The following SYNE2 variants were observed in gnomAD, a reference collection of about 807,000 sequenced individuals.
SYNE2 encodes the protein nesprin-2.
Under a neutral mutation model 856.3 loss-of-function variants are expected in SYNE2, and 431 were observed. That is an observed-to-expected ratio of 0.50 (90% CI 0.47 to 0.55). The LOEUF (loss-of-function observed/expected upper bound fraction) is 0.55, where lower values mean the gene tolerates loss of function less well. Ranked by LOEUF, SYNE2 falls within the 20% of genes least tolerant of loss-of-function variation. The probability of loss-of-function intolerance (pLI) is 0.00; values close to 1 mark genes in which losing one functional copy is unlikely to be tolerated. For synonymous variants in SYNE2, 2,923 were observed against 2,872.3 expected (o/e 1.02, Z -0.56); for missense variants, 8,129 against 8,023.2 (o/e 1.01, Z -0.50).
upstream of SYNE2, among the ~76,000 whole-genome samples, chr14:63,851,765 A>G (rs1228070941): frequency 6.6e-6 from 1 of 151,870 alleles, no homozygotes; most frequent in Non-Finnish European, 1.5e-5. Flanking sequence ...GTAGCCACAG[A>G]CATATATATG....
Position 64,215,354 on chromosome 14 carries a change from G to C in SYNE2, c.19402G>C (p.Gly6468Arg). 6.2e-7 allele frequency: 1 copy of C among 1,614,010 alleles called. No homozygotes were observed. Among genetic ancestry groups the C allele is most frequent in the Admixed American group, 1.7e-5 (1 of 60,016 alleles). ...MTTKTLKASS[G>R]KSISDGHSWH... ...CACAAAAACTTTGAAAGCGTCTTCT[G>C]GTAGGCCCCCGCCCATGCATGTGTC... Residue 6468 changes from glycine (G) to arginine (R), a missense_variant and splice_region_variant, in exon 107 of 116, where the codon GGT (glycine) becomes CGT (arginine). Physicochemically the swap from Gly to Arg is moderately radical, Grantham distance 125. Coordinates refer to ENST00000555002, the MANE Select transcript of SYNE2 (RefSeq NM_182914.3).
chr14:63,912,750 T>A (rs75855318), intron 2 of SYNE2, among the ~76,000 whole-genome samples: 1,539 of 152,318 alleles, frequency 0.01, 30 homozygotes, highest in African/African-American at 0.035. Flanking sequence ...TGCTTCATCA[T>A]TAATATGCTA....
chr14:64,181,010 C>T (rs1249102300), intron 96 of SYNE2, among the ~76,000 whole-genome samples: 1 of 151,974 alleles, frequency 6.6e-6, no homozygotes, highest in African/African-American at 2.4e-5. Context: ...TCCAATAATT[C>T]GTTTATGTAT....
intron 1 of SYNE2, among the ~76,000 whole-genome samples, chr14:63,863,414 T>C (rs527478400): frequency 1.4e-4 from 22 of 152,358 alleles, no homozygotes; most frequent in Non-Finnish European, 2.8e-4. Context: ...GCTGATTGTA[T>C]CACTTATGAC....
At position 64,202,802 on chromosome 14, in the gene SYNE2, G is replaced by A. The variant is rs780952336; in HGVS notation, c.18040G>A (p.Val6014Met). The stretch of plus-strand genomic sequence containing the variant: ...TTGTTTTTCTGCAAATATGTGTAGG[G>A]TGAAGAAGCTGAAGGAGACCTTTGC... ...QHLFDVIGSR[V>M]KKLKETFAFI... Residue 6014 changes from valine to methionine, a missense_variant and splice_region_variant, in exon 100 of 116, where the codon GTG (valine) becomes ATG (methionine). Val to Met is a conservative substitution (Grantham distance 21). Around this residue, in one of 3 missense-constraint regions of SYNE2, gnomAD observed 5,410 missense variants for 5,284.8 expected, o/e 1.02. Transcript: ENST00000555002. 6.2e-7 allele frequency: 1 copy of A among 1,614,132 alleles called. No individual in the cohort carries two copies. Among genetic ancestry groups the A allele is most frequent in the South Asian group, 1.1e-5 (1 of 91,078 alleles).
chr14:64,202,616 A>G lies in SYNE2; in HGVS notation c.18039-185A>G, dbSNP rs77351868. Reference sequence around the variant, plus strand: ...AGGCAACAGCCTTGCAAAGCTTCACATATTCTCTGAGAACTCGTATCTGGT... The same window carrying G: ...AGGCAACAGCCTTGCAAAGCTTCACGTATTCTCTGAGAACTCGTATCTGGT... On this transcript the variant is annotated intron_variant, in intron 99 of 115. Coordinates refer to ENST00000555002, the MANE Select transcript of SYNE2 (RefSeq NM_182914.3). Among the ~76,000 whole-genome samples, 1,281 of 152,274 alleles carry G rather than the reference A, an allele frequency of 8.4e-3. 14 individuals carry two copies. The highest frequency in any genetic ancestry group is 0.03 in the African/African-American group (1,234 of 41,562).
chr14:64,130,385 A>C (rs2098003505), intron 76 of SYNE2, 137 bp downstream of exon 76: 3 of 828,048 alleles, frequency 3.6e-6, no homozygotes, highest in Non-Finnish European at 3.9e-6. Flanking sequence ...CATCTATTAG[A>C]ATGCTTAATG....
At position 64,100,532 on chromosome 14, in the gene SYNE2, ATATAT is replaced by A. The variant is rs1407596123; in HGVS notation, c.12382-1399_12382-1395del. Among the ~76,000 whole-genome samples the A allele has an allele frequency of 3.2e-3, 138 of 43,160 alleles. 2 individuals carry two copies. Among genetic ancestry groups the A allele is most frequent in the East Asian group, 0.01 (10 of 986 alleles). 28.3% of individuals were successfully genotyped at this position (43,160 alleles called of 152,430 possible). On this transcript the variant is annotated intron_variant, in intron 63 of 115. Coordinates refer to ENST00000555002, the MANE Select transcript of SYNE2 (RefSeq NM_182914.3). Reference sequence around the variant, plus strand: ...ACTGTCTCAAAAAAAAAAAAAAAAAATATATATATATATATATATATATATATATA... The same window carrying A: ...ACTGTCTCAAAAAAAAAAAAAAAAAAATATATATATATATATATATATATA...
Position 64,052,784 on chromosome 14 carries a change from G to C in SYNE2, c.8871G>C (p.Glu2957Asp), listed in dbSNP as rs1057238746. ...ATGAAAAAACATCAGCGCTTCAGGAGGAGGCTGACAGTATACAGCGCAATG... is the reference window on the plus strand; with the variant it reads ...ATGAAAAAACATCAGCGCTTCAGGACGAGGCTGACAGTATACAGCGCAATG... ...QFHEKTSALQ[E>D]EADSIQRNEL... Residue 2957 changes from glutamate (E) to aspartate (D), a missense_variant, in exon 48 of 116, where the codon GAG becomes GAC. Around this residue, in one of 3 missense-constraint regions of SYNE2, gnomAD observed 5,410 missense variants for 5,284.8 expected, o/e 1.02. Coordinates refer to ENST00000555002, the MANE Select transcript of SYNE2 (RefSeq NM_182914.3). The C allele has an allele frequency of 1.9e-6, 3 of 1,612,384 alleles. No individual in the cohort carries two copies. In the African/African-American group the frequency reaches 4.0e-5, roughly 22 times the overall value.
intron 66 of SYNE2, among the ~76,000 whole-genome samples, chr14:64,119,124 C>G (rs1465076356): frequency 6.6e-6 from 1 of 152,182 alleles, no homozygotes; most frequent in Non-Finnish European, 1.5e-5. Context: ...GTTCCAAGAT[C>G]TGTGTTCTTA....
chr14:63,795,046 C>T (rs958467782), intron 1 of SYNE2, among the ~76,000 whole-genome samples: 9 of 152,194 alleles, frequency 5.9e-5, no homozygotes, highest in Non-Finnish European at 1.0e-4. Context: ...GCTAGGATCA[C>T]AGCCATGTGC....
intron 30 of SYNE2, 90 bp from the exon 31 acceptor site, chr14:64,006,953 A>C (rs1594815086): frequency 9.8e-7 from 1 of 1,019,178 alleles, no homozygotes; most frequent in East Asian, 2.4e-5. Flanking sequence ...GGACAAATTA[A>C]AGTTAGTGTG....
chr14:64,058,224 A>G (rs185845807), intron 49 of SYNE2, among the ~76,000 whole-genome samples: 39 of 152,210 alleles, frequency 2.6e-4, no homozygotes, highest in Non-Finnish European at 4.7e-4. Context: ...GTTTTCCCCA[A>G]TGTTTTCTTT....
rs2140215424 is a variant in SYNE2, at chr14:64,212,700, A to G, written c.18862-111A>G. On this transcript the variant is annotated intron_variant, in intron 104 of 115. Transcript: ENST00000555002. Reference sequence around the variant, plus strand: ...TAAAGCTAGAGTAGTAGGTGAAGGAAAACAACAATAATGACATTTGGATGC... The same window carrying G: ...TAAAGCTAGAGTAGTAGGTGAAGGAGAACAACAATAATGACATTTGGATGC... 8 of 1,026,520 alleles carry G rather than the reference A, an allele frequency of 7.8e-6. No individual in the cohort carries two copies. In the East Asian group the frequency reaches 1.7e-4, roughly 22 times the overall value. 63.6% of individuals were successfully genotyped at this position (1,026,520 alleles called of 1,614,324 possible).
chr14:64,139,929 T>G lies in SYNE2; in HGVS notation c.14844-12T>G. Reference sequence around the variant, plus strand: ...TTCTAATCTGCCTTCTCTCTCACTTTGCTCCTGTTAGTTATAACAGAGATT... The same window carrying G: ...TTCTAATCTGCCTTCTCTCTCACTTGGCTCCTGTTAGTTATAACAGAGATT... On this transcript the variant is annotated splice_polypyrimidine_tract_variant and intron_variant, in intron 79 of 115. Transcript: ENST00000555002. 1.2e-6 allele frequency: 2 copies of G among 1,614,024 alleles called. No homozygotes were observed. Among genetic ancestry groups the G allele is most frequent in the Non-Finnish European group, 1.7e-6 (2 of 1,179,936 alleles).
Position 64,186,332 on chromosome 14 carries a change from C to G in SYNE2, c.17557-92C>G. Reference sequence around the variant, plus strand: ...TCCCTCTCTCCTGGCCTCCCCTCCCCCAGAGTCTAATCAAAGGATTAGCCT... The same window carrying G: ...TCCCTCTCTCCTGGCCTCCCCTCCCGCAGAGTCTAATCAAAGGATTAGCCT... On this transcript the variant is annotated intron_variant, in intron 96 of 115. Transcript: ENST00000555002. The G allele has an allele frequency of 1.9e-6, 3 of 1,550,106 alleles. No homozygotes were observed. In the East Asian group the frequency reaches 6.7e-5, roughly 35 times the overall value.
At position 64,053,201 on chromosome 14, in the gene SYNE2, T is replaced by C. The variant is rs774586984; in HGVS notation, c.9288T>C (p.Cys3096=). The C allele has an allele frequency of 6.8e-6, 11 of 1,613,846 alleles. No individual in the cohort carries two copies. The East Asian group carries it at 2.5e-4, about 36-fold the overall frequency. Residue 3096 remains cysteine, a synonymous_variant, in exon 48 of 116, where the codon TGT becomes TGC. Coordinates refer to ENST00000555002, the MANE Select transcript of SYNE2 (RefSeq NM_182914.3). ...ILSQRIEKAK[C]LCDEIIKKLN... ...GTCAGAGAATTGAGAAAGCCAAGTG[T>C]TTATGTGATGAGATAATAAAGAAAT... is the stretch of plus-strand genomic sequence containing the variant.
chr14:64,225,150 C>T, intron 115 of SYNE2, 105 bp downstream of exon 115: 2 of 1,555,250 alleles, frequency 1.3e-6, no homozygotes, highest in Non-Finnish European at 1.8e-6. Flanking sequence ...ATCTGGTTTT[C>T]TTTTGTCTGG....
intron 20 of SYNE2, 116 bp downstream of exon 20, chr14:63,990,685 A>T: frequency 1.1e-6 from 1 of 949,554 alleles, no homozygotes; most frequent in Non-Finnish European, 1.6e-6. Context: ...GTAAAATATT[A>T]CTTTTGCATT....
Sources: allele counts gnomAD v4.1 joint callset (sites outside exome capture counted in the v4.1 genomes callset), GRCh38; gene constraint gnomAD v4.1.1; regional missense constraint gnomAD v4.1.1; transcripts MANE v1.5; gene names NCBI Gene and HGNC (gene_info 2026-07-23, HGNC 2026-07-21).